Variants in ZNF155 observed in about 807,000 individuals in gnomAD.
ZNF155 encodes KRAB A domain.
Under a neutral mutation model 11.9 loss-of-function variants are expected in ZNF155, and 15 were observed. That is an observed-to-expected ratio of 1.26 (90% CI 0.84 to 1.94). The LOEUF (loss-of-function observed/expected upper bound fraction) is 1.94, where lower values mean the gene tolerates loss of function less well. ZNF155 is among the 30% of genes most tolerant of loss of function. The pLI is 0.00. For missense variants in ZNF155, 602 were observed against 639.1 expected, an observed-to-expected ratio of 0.94 and a Z score of 0.63; for synonymous variants, 212 against 219.9, an observed-to-expected ratio of 0.96 and a Z score of 0.32.
rs141536001 is a variant in ZNF155 at position 43,986,176 on chromosome 19, G to T, written c.-86+1931G>T. 3.9e-5 allele frequency among the ~76,000 whole-genome samples: 6 copies of T among 152,282 alleles called. No homozygotes were observed. The East Asian group carries it at 1.2e-3, about 29-fold the overall frequency. On this transcript the variant is annotated intron_variant, in intron 1 of 4. Coordinates refer to ENST00000270014, the MANE Select transcript of ZNF155 (RefSeq NM_198089.3). ...TTTTAAAATTAGATTAATAGGAGGA[G>T]AAAACATGTTTTAAATTACCCATGA...
intron 2 of ZNF155, chr19:43,990,034 C>T: frequency 6.7e-6 from 10 of 1,488,676 alleles, no homozygotes; most frequent in Non-Finnish European, 8.8e-6. Context: ...ATTACCAAGA[C>T]TGTGGGAATA....
chr19:43,986,634 A>G (rs1012885235), intron 1 of ZNF155, among the ~76,000 whole-genome samples: 1 of 151,890 alleles, frequency 6.6e-6, no homozygotes, highest in Non-Finnish European at 1.5e-5. Flanking sequence ...TATATTTAGT[A>G]GAGACGAGGT....
chr19:43,984,969 G>A (rs560843681), intron 1 of ZNF155, among the ~76,000 whole-genome samples: 2 of 152,098 alleles, frequency 1.3e-5, no homozygotes, highest in Non-Finnish European at 2.9e-5. Flanking sequence ...TGCAGGGAGG[G>A]ACTTGGCTAC....
chr19:43,986,473 G>A lies in ZNF155; in HGVS notation c.-85-1986G>A, dbSNP rs1337989535. 2.9e-5 allele frequency among the ~76,000 whole-genome samples: 4 copies of A among 135,970 alleles called. No homozygotes were observed. In the Admixed American group the frequency reaches 3.0e-4, roughly 10 times the overall value. The allele number at this position is 135,970 out of a possible 152,430, so 89.2% of individuals were successfully genotyped here. Reference sequence around the variant, plus strand: ...TGTTTTTTTTTTTTTTTTTTTAGACGGAGTCTCGCTCTGTCACCTAGGCTG... The same window carrying A: ...TGTTTTTTTTTTTTTTTTTTTAGACAGAGTCTCGCTCTGTCACCTAGGCTG... On this transcript the variant is annotated intron_variant, in intron 1 of 4. Coordinates refer to ENST00000270014, the MANE Select transcript of ZNF155 (RefSeq NM_198089.3).
At position 43,998,166 on chromosome 19, in the gene ZNF155, A is replaced by C. The variant is rs972529796; in HGVS notation, c.*692A>C. 1 of 152,172 alleles carries C rather than the reference A, an allele frequency of 6.6e-6. No individual in the cohort carries two copies. The highest frequency in any genetic ancestry group is 2.4e-5 in the African/African-American group (1 of 41,406). The allele number at this position is 152,172 out of a possible 1,614,324, so 9.4% of individuals were successfully genotyped here. A position where few individuals can be genotyped will look rare whatever the true frequency, so the allele number is the denominator to read the frequency against. ...CCAAGGTCCCAGACCAAGCTGAATC[A>C]CGCTTTCTCCAAGACAGCCCGCAGG... On this transcript the variant is annotated 3_prime_UTR_variant, in exon 5 of 5. Coordinates refer to ENST00000270014, the MANE Select transcript of ZNF155 (RefSeq NM_198089.3).
intron 1 of ZNF155, among the ~76,000 whole-genome samples, chr19:43,985,532 TC>T (rs150717258): frequency 2.6e-5 from 3 of 116,534 alleles, no homozygotes; most frequent in Admixed American, 9.5e-5. Flanking sequence ...TTGCTCTTTT[TC>T]TTTTTTTTTT....
chr19:43,984,617 T>C (rs1410644459), intron 1 of ZNF155, among the ~76,000 whole-genome samples: 3 of 152,178 alleles, frequency 2.0e-5, no homozygotes, highest in Non-Finnish European at 4.4e-5. Context: ...CCATTGCCGT[T>C]TTTTAAATGA....
At position 43,991,625 on chromosome 19, in the gene ZNF155, G is replaced by A. The variant is rs1333797330; in HGVS notation, c.93G>A (p.Lys31=). 1 of 1,614,138 alleles carries A rather than the reference G, an allele frequency of 6.2e-7. No individual in the cohort carries two copies. The highest frequency in any genetic ancestry group is 2.2e-5 in the East Asian group (1 of 44,884). ...ELGLLDPAQR[K]LYRDVMLENF... ...GGCTGCTGGACCCTGCCCAGAGGAAGCTGTACCGAGATGTGATGCTGGAGA... is the reference window on the plus strand; with the variant it reads ...GGCTGCTGGACCCTGCCCAGAGGAAACTGTACCGAGATGTGATGCTGGAGA... Residue 31 remains lysine, a synonymous_variant, in exon 3 of 5, where the codon AAG becomes AAA. Coordinates refer to ENST00000270014, the MANE Select transcript of ZNF155 (RefSeq NM_198089.3).
Position 43,997,676 on chromosome 19 carries a change from C to A in ZNF155, c.*202C>A. 1.9e-6 allele frequency: 1 copy of A among 530,776 alleles called. No homozygotes were observed. The highest frequency in any genetic ancestry group is 3.3e-6 in the Non-Finnish European group (1 of 305,956). The allele number at this position is 530,776 out of a possible 1,614,324, so 32.9% of individuals were successfully genotyped here. On this transcript the variant is annotated 3_prime_UTR_variant, in exon 5 of 5. Transcript: ENST00000270014. ...CCCCCAGCCAAACGGGTCAGTGTCT[C>A]ATCCCCACATAACACAAAAAGCAGC...
At position 43,991,860 on chromosome 19, in the gene ZNF155, A is replaced by G. The variant is rs779906234; in HGVS notation, c.161A>G (p.Gln54Arg). 1.9e-6 allele frequency: 3 copies of G among 1,614,000 alleles called. No individual in the cohort carries two copies. The South Asian group carries it at 3.3e-5, about 18-fold the overall frequency. Residue 54 changes from glutamine (Q) to arginine (R), a missense_variant, in exon 4 of 5, where the codon CAA becomes CGA. Transcript: ENST00000270014. ...LLSVGHQPFHQDTCHFLREEK... is the reference protein window; with the variant it reads ...LLSVGHQPFHRDTCHFLREEK... ...TTCACAGGGCATCAACCGTTCCACC[A>G]AGATACTTGCCACTTCCTAAGGGAA...
chr19:43,997,680 C>G lies in ZNF155; in HGVS notation c.*206C>G. 4 of 516,448 alleles carry G rather than the reference C, an allele frequency of 7.7e-6. No individual in the cohort carries two copies. In the South Asian group the frequency reaches 8.1e-5, roughly 10 times the overall value. 32.0% of individuals were successfully genotyped at this position (516,448 alleles called of 1,614,324 possible). A position where few individuals can be genotyped will look rare whatever the true frequency, so the allele number is the denominator to read the frequency against. On this transcript the variant is annotated 3_prime_UTR_variant, in exon 5 of 5. Coordinates refer to ENST00000270014, the MANE Select transcript of ZNF155 (RefSeq NM_198089.3). The stretch of plus-strand genomic sequence containing the variant: ...CAGCCAAACGGGTCAGTGTCTCATC[C>G]CCACATAACACAAAAAGCAGCCTGG...
At chr19:43,987,732 C>T (rs755904672) in intron 1 of ZNF155, among the ~76,000 whole-genome samples, 4 of 152,118 alleles carry the variant, frequency 2.6e-5, no homozygotes, top group Admixed American at 2.0e-4. Context: ...GCCAGTTCTC[C>T]CCCATTTATT....
rs1975403552 is a variant in ZNF155, at chr19:43,985,449, A to T, written c.-86+1204A>T. 2.0e-5 allele frequency among the ~76,000 whole-genome samples: 3 copies of T among 151,736 alleles called. No homozygotes were observed. In the South Asian group the frequency reaches 6.2e-4, roughly 32 times the overall value. ...GGGTGTTGATAATAATTAAACCTTA[A>T]TTGGTAACTTAATTCTAAGGGCTTT... On this transcript the variant is annotated intron_variant, in intron 1 of 4. Transcript: ENST00000270014.
chr19:43,994,507 T>C (rs184731276), intron 4 of ZNF155, among the ~76,000 whole-genome samples: 149 of 152,352 alleles, frequency 9.8e-4, no homozygotes, highest in African/African-American at 3.4e-3. Flanking sequence ...CAGGAGGTTT[T>C]CAAAACTGCC....
At position 43,991,662 on chromosome 19, in the gene ZNF155, C is replaced by A; in HGVS notation, c.130C>A (p.Leu44Met). Residue 44 changes from leucine (L) to methionine (M), a missense_variant, in exon 3 of 5, where the codon CTG (leucine) becomes ATG (methionine). Physicochemically the swap from Leu to Met is conservative, Grantham distance 15. Transcript: ENST00000270014. The stretch of plus-strand genomic sequence containing the variant: ...TGTGATGCTGGAGAACTTCAGGAAC[C>A]TGCTCTCAGTGGGTGAGCACGGGCA... ...RDVMLENFRN[L>M]LSVGHQPFHQ... 1.2e-6 allele frequency: 2 copies of A among 1,614,056 alleles called. No individual in the cohort carries two copies. The highest frequency in any genetic ancestry group is 1.7e-6 in the Non-Finnish European group (2 of 1,180,008).
intron 1 of ZNF155, among the ~76,000 whole-genome samples, chr19:43,987,318 C>T (rs557022246): frequency 1.3e-5 from 2 of 152,114 alleles, no homozygotes; most frequent in Non-Finnish European, 2.9e-5. Flanking sequence ...TGTGTTTACT[C>T]GTCACATTTC....
At chr19:43,992,044 A>G (rs1975685008) in intron 4 of ZNF155, 110 bp downstream of exon 4, 1 of 1,013,448 alleles carries the variant, frequency 9.9e-7, no homozygotes, top group African/African-American at 1.6e-5. Flanking sequence ...TCCTTCCTGG[A>G]TTATTACAAC....
At chr19:43,985,638 T>G (rs1450079041) in intron 1 of ZNF155, among the ~76,000 whole-genome samples, 1 of 150,478 alleles carries the variant, frequency 6.6e-6, no homozygotes, top group Non-Finnish European at 1.5e-5. Context: ...GCCTCCCAGG[T>G]TCAGGCGATT....
chr19:43,986,447 G>GTTTTTTTTTTTTTTTTTTTTTTT lies in ZNF155; in HGVS notation c.-85-2011_-85-2010insTTTTTTTTTTTTTTTTTTTTTTT. On this transcript the variant is annotated intron_variant, in intron 1 of 4. Transcript: ENST00000270014. ...TGCTCATCCAATATTATTCCCATTT[G>GTTTTTTTTTTTTTTTTTTTTTTT]TGTTTTTTTTTTTTTTTTTTTAGAC... Among the ~76,000 whole-genome samples, 2 of 142,182 alleles carry GTTTTTTTTTTTTTTTTTTTTTTT rather than the reference G, an allele frequency of 1.4e-5. 1 individual carries two copies. The highest frequency in any genetic ancestry group is 1.4e-4 in the Admixed American group (2 of 14,440). 93.3% of individuals were successfully genotyped at this position (142,182 alleles called of 152,430 possible).
Sources: gnomAD v4.1 joint callset for allele counts (sites outside exome capture counted in the v4.1 genomes callset) on GRCh38, gnomAD v4.1.1 for gene constraint, MANE v1.5 for transcripts, NCBI Gene and HGNC (gene_info 2026-07-23, HGNC 2026-07-21) for gene names.